AGT: variants seen among roughly 807,000 people sequenced by gnomAD.
AGT encodes angiotensinogen.
AGT carries 26 observed loss-of-function variants against 28.1 expected under a neutral mutation model. The observed-to-expected ratio is 0.92, with a 90% CI of 0.68 to 1.28. The LOEUF (loss-of-function observed/expected upper bound fraction) is 1.28, where lower values mean the gene tolerates loss of function less well. Among genes scored for constraint, AGT ranks in the 50% most tolerant of loss-of-function variants. The pLI is 0.00. For missense variants in AGT, 596 were observed against 592.3 expected (o/e 1.01, Z -0.06); for synonymous variants, 259 against 259.6 (o/e 1.00, Z 0.02).
At position 230,702,796 on chromosome 1, in the gene AGT, CTT is replaced by C; in HGVS notation, c.*343_*344del. On this transcript the variant is annotated 3_prime_UTR_variant, in exon 5 of 5. Transcript: ENST00000366667. ...TTGTTCTCAACTTGAAAAGGGAACA[CTT>C]TTTTGTTTCACAAACAAGCTGGTCG... The C allele has an allele frequency of 3.4e-6, 1 of 291,836 alleles. No individual in the cohort carries two copies. The highest frequency in any genetic ancestry group is 6.5e-6 in the Non-Finnish European group (1 of 154,604). The allele number at this position is 291,836 out of a possible 1,614,324, so 18.1% of individuals were successfully genotyped here.
upstream of AGT, among the ~76,000 whole-genome samples, chr1:230,717,738 T>A (rs181081751): frequency 1.3e-5 from 2 of 152,200 alleles, no homozygotes; most frequent in Non-Finnish European, 2.9e-5. Context: ...TTCCCAGCAT[T>A]TCTGGTCCTC....
At chr1:230,716,917 A>G (rs184757006), upstream of AGT, among the ~76,000 whole-genome samples, 178 of 152,022 alleles carry the variant, frequency 1.2e-3, 2 homozygotes, top group African/African-American at 4.0e-3. Context: ...GTAGGGAAAA[A>G]AAAGAGAGAT....
At position 230,702,963 on chromosome 1, in the gene AGT, C is replaced by A; in HGVS notation, c.*178G>T. On this transcript the variant is annotated 3_prime_UTR_variant, in exon 5 of 5. Transcript: ENST00000366667. ...CTTCTACTGCTCACTCCATGCAGCA[C>A]ACTTAGACCAAGGAGAAACGGCTGC... 1.5e-6 allele frequency: 1 copy of A among 683,108 alleles called. No homozygotes were observed. The highest frequency in any genetic ancestry group is 1.9e-5 in the South Asian group (1 of 52,684). The allele number at this position is 683,108 out of a possible 1,614,324, so 42.3% of individuals were successfully genotyped here.
intron 1 of AGT, among the ~76,000 whole-genome samples, chr1:230,738,657 G>C (rs1301391479): frequency 6.6e-6 from 1 of 152,136 alleles, no homozygotes; most frequent in Non-Finnish European, 1.5e-5. Flanking sequence ...CTTGCCAAAG[G>C]GGGAGGATAC....
At chr1:230,706,420 C>A (rs1663389666) in intron 2 of AGT, among the ~76,000 whole-genome samples, 1 of 152,112 alleles carries the variant, frequency 6.6e-6, no homozygotes, top group Non-Finnish European at 1.5e-5. Flanking sequence ...ACTGAGGCAG[C>A]CCTAACCGCC....
intron 1 of AGT, among the ~76,000 whole-genome samples, chr1:230,719,814 T>A (rs1007401140): frequency 2.0e-5 from 3 of 152,188 alleles, no homozygotes; most frequent in African/African-American, 7.2e-5. Context: ...ATGTCAACAT[T>A]AGCTGACATA....
intron 1 of AGT, among the ~76,000 whole-genome samples, chr1:230,725,215 C>T (rs1663918333): frequency 6.6e-6 from 1 of 152,140 alleles, no homozygotes; most frequent in African/African-American, 2.4e-5. Flanking sequence ...GAAAATTCAT[C>T]AGCAGCCACA....
chr1:230,704,757 C>T (rs1270141138), intron 3 of AGT, among the ~76,000 whole-genome samples: 1 of 152,214 alleles, frequency 6.6e-6, no homozygotes, highest in African/African-American at 2.4e-5. Flanking sequence ...CAGTGTCAAC[C>T]TCGTGCTGGA....
intron 1 of AGT, among the ~76,000 whole-genome samples, chr1:230,744,307 T>C (rs1020123720): frequency 6.6e-6 from 1 of 152,188 alleles, no homozygotes; most frequent in Non-Finnish European, 1.5e-5. Context: ...TCTTGAGGCA[T>C]TGGTTCAATG....
chr1:230,727,850 A>C (rs1401703227), intron 1 of AGT, among the ~76,000 whole-genome samples: 1 of 152,206 alleles, frequency 6.6e-6, no homozygotes, highest in Non-Finnish European at 1.5e-5. Context: ...CAATTAGCTC[A>C]TCTTCCCCAC....
At position 230,710,336 on chromosome 1, in the gene AGT, G is replaced by T. The variant is rs1663541884; in HGVS notation, c.488C>A (p.Thr163Asn). Residue 163 changes from threonine to asparagine, a missense_variant, in exon 2 of 5, where the codon ACC becomes AAC. Transcript: ENST00000366667. ...LGVPWKDKNC[T>N]SRLDAHKVLS... is the part of the protein sequence containing the mutation. ...GACCTTGTGCGCATCCAGCCGGGAG[G>T]TGCAGTTCTTGTCCTTCCAAGGAAC... 1 of 1,614,120 alleles carries T rather than the reference G, an allele frequency of 6.2e-7. No individual in the cohort carries two copies. Among genetic ancestry groups the T allele is most frequent in the South Asian group, 1.1e-5 (1 of 91,084 alleles).
rs559833254 is a variant in AGT at position 230,702,686 on chromosome 1, C to T, written c.*455G>A. ...AAACTAAGGTATTACAGACACTACA[C>T]GGAGGTCATGTTCTTACATTCAAGA... On this transcript the variant is annotated 3_prime_UTR_variant, in exon 5 of 5. Coordinates refer to ENST00000366667, the MANE Select transcript of AGT (RefSeq NM_001384479.1). 2.5e-5 allele frequency: 5 copies of T among 196,494 alleles called. No homozygotes were observed. The highest frequency in any genetic ancestry group is 1.1e-4 in the East Asian group (1 of 8,772). The allele number at this position is 196,494 out of a possible 1,614,324, so 12.2% of individuals were successfully genotyped here.
At chr1:230,743,701 C>T (rs1421774297) in intron 1 of AGT, among the ~76,000 whole-genome samples, 2 of 152,238 alleles carry the variant, frequency 1.3e-5, no homozygotes, top group African/African-American at 4.8e-5. Context: ...AACCCAGGCC[C>T]TGCTGTAAGG....
In AGT at chr1:230,703,407, T is replaced by A. The variant is rs567898140; in HGVS notation, c.1243-78A>T. 70 of 1,492,340 alleles carry A rather than the reference T, an allele frequency of 4.7e-5. No individual in the cohort carries two copies. In the African/African-American group the frequency reaches 6.4e-4, roughly 14 times the overall value. The allele number at this position is 1,492,340 out of a possible 1,614,324, so 92.4% of individuals were successfully genotyped here. A position where few individuals can be genotyped will look rare whatever the true frequency, so the allele number is the denominator to read the frequency against. Reference sequence around the variant, plus strand: ...GGTGCTGAGGGCTAGAGGGCCGGGGTGGGCTCAGGACCTCTGTGCTGTGCA... The same window carrying A: ...GGTGCTGAGGGCTAGAGGGCCGGGGAGGGCTCAGGACCTCTGTGCTGTGCA... On this transcript the variant is annotated intron_variant, in intron 4 of 4. Coordinates refer to ENST00000366667, the MANE Select transcript of AGT (RefSeq NM_001384479.1).
chr1:230,705,665 G>A (rs1663361680), intron 3 of AGT, among the ~76,000 whole-genome samples: 1 of 152,228 alleles, frequency 6.6e-6, no homozygotes, highest in Admixed American at 6.5e-5. Flanking sequence ...AAACTACCAG[G>A]CAAGTGTAAG....
At chr1:230,739,261 A>G (rs1205391861) in intron 1 of AGT, among the ~76,000 whole-genome samples, 1 of 151,420 alleles carries the variant, frequency 6.6e-6, no homozygotes, top group Non-Finnish European at 1.5e-5. Flanking sequence ...AGGCTGAGGC[A>G]GAAGGATGGC....
chr1:230,715,776 A>G (rs1663724044), upstream of AGT, among the ~76,000 whole-genome samples: 1 of 152,148 alleles, frequency 6.6e-6, no homozygotes, highest in Non-Finnish European at 1.5e-5. Flanking sequence ...AAGCCTCACA[A>G]TTTGTTTCAT....
At chr1:230,724,431 T>TG (rs1164931252) in intron 1 of AGT, among the ~76,000 whole-genome samples, 2 of 152,156 alleles carry the variant, frequency 1.3e-5, no homozygotes, top group Non-Finnish European at 2.9e-5. Context: ...ATTCTGAATA[T>TG]AATGACACCA....
At chr1:230,722,673 G>A (rs1663870792) in intron 1 of AGT, among the ~76,000 whole-genome samples, 1 of 152,210 alleles carries the variant, frequency 6.6e-6, no homozygotes, top group African/African-American at 2.4e-5. Flanking sequence ...TTGAATGACT[G>A]CTCCACTGAA....
Sources: allele counts gnomAD v4.1 joint callset (sites outside exome capture counted in the v4.1 genomes callset), GRCh38; gene constraint gnomAD v4.1.1; transcripts MANE v1.5; gene names NCBI Gene and HGNC (gene_info 2026-07-23, HGNC 2026-07-21).